The following MN1 variants were observed in gnomAD, a reference collection of about 807,000 sequenced individuals.
The protein encoded by MN1 is transcriptional activator MN1.
MN1 carries 19 observed loss-of-function variants against 86.9 expected under a neutral mutation model. The ratio of observed to expected loss-of-function variants is 0.22; its 90% CI spans 0.15 to 0.32. MN1 has a LOEUF of 0.32. Among genes scored for constraint, MN1 ranks in the 10% least tolerant of loss-of-function variants. The pLI is 1.00. For synonymous variants in MN1, 928 were observed against 849.6 expected (o/e 1.09, Z -1.60); for missense variants, 1,841 against 1,862.0 (o/e 0.99, Z 0.21).
chr22:27,783,099 A>G (rs1226592350), intron 1 of MN1, among the ~76,000 whole-genome samples: 3 of 150,628 alleles, frequency 2.0e-5, no homozygotes, highest in Non-Finnish European at 1.5e-5. Context: ...GGTTGCCATC[A>G]CCAACCACCA....
chr22:27,758,592 G>A (rs112504647), intron 1 of MN1, among the ~76,000 whole-genome samples: 24 of 152,320 alleles, frequency 1.6e-4, no homozygotes, highest in African/African-American at 5.1e-4. Flanking sequence ...GGACTTTGGA[G>A]TCAGATGACC....
intron 1 of MN1, among the ~76,000 whole-genome samples, chr22:27,760,076 G>A (rs1050446457): frequency 2.6e-5 from 4 of 152,208 alleles, no homozygotes; most frequent in South Asian, 2.1e-4. Flanking sequence ...TTGGCTGGGC[G>A]TGGTGGCTCA....
intron 1 of MN1, among the ~76,000 whole-genome samples, chr22:27,772,226 G>A (rs998102102): frequency 1.3e-5 from 2 of 152,190 alleles, no homozygotes; most frequent in African/African-American, 4.8e-5. Flanking sequence ...CCCAGCAGGG[G>A]CTGGGCCAAC....
intron 1 of MN1, among the ~76,000 whole-genome samples, chr22:27,773,528 G>A (rs558715855): frequency 2.6e-5 from 4 of 152,316 alleles, no homozygotes; most frequent in Middle Eastern, 3.4e-3. Context: ...AGTCCTCACC[G>A]CCTCCCTATG....
rs566580762 is a variant in MN1, at chr22:27,770,170, G to A, written c.3782-19074C>T. ...CAACCTTCCCTCCCAAATCCTTTCC[G>A]GCCAGCACAGCAGATAGCTCCCACA... On this transcript the variant is annotated intron_variant, in intron 1 of 1. Coordinates refer to ENST00000302326, the MANE Select transcript of MN1 (RefSeq NM_002430.3). Among the ~76,000 whole-genome samples the A allele has an allele frequency of 2.3e-3, 356 of 152,192 alleles. 2 individuals carry two copies. Among genetic ancestry groups the A allele is most frequent in the African/African-American group, 7.3e-3 (305 of 41,508 alleles).
At position 27,800,473 on chromosome 22, in the gene MN1, T is replaced by A. The variant is rs1172569340; in HGVS notation, c.71A>T (p.Asn24Ile). The change falls in exon 1 of 2, where the codon AAC becomes ATC. Residue 24 changes from asparagine (N) to isoleucine (I), a missense_variant. Asn to Ile is a moderately radical substitution (Grantham distance 149). Transcript: ENST00000302326. ...GGTGTTCATGCTCAGTCCGGTCTCG[T>A]TAAAGTTCCTCTCGCCCTGGCCAGC... is the stretch of plus-strand genomic sequence containing the variant. ...RNAGQGERNF[N>I]ETGLSMNTHF... 1 of 1,614,162 alleles carries A rather than the reference T, an allele frequency of 6.2e-7. No individual in the cohort carries two copies. The highest frequency in any genetic ancestry group is 8.5e-7 in the Non-Finnish European group (1 of 1,180,016).
chr22:27,757,345 G>A (rs569223692), intron 1 of MN1, among the ~76,000 whole-genome samples: 1 of 152,336 alleles, frequency 6.6e-6, no homozygotes, highest in East Asian at 1.9e-4. Flanking sequence ...CACTCTTACT[G>A]TTCGTGGCAC....
At chr22:27,782,474 T>C (rs892140064) in intron 1 of MN1, among the ~76,000 whole-genome samples, 7 of 152,240 alleles carry the variant, frequency 4.6e-5, no homozygotes, top group African/African-American at 1.7e-4. Flanking sequence ...ATCCCTAAGA[T>C]GGGACAAACA....
chr22:27,779,483 G>A (rs951987087), intron 1 of MN1, among the ~76,000 whole-genome samples: 1 of 152,182 alleles, frequency 6.6e-6, no homozygotes, highest in African/African-American at 2.4e-5. Context: ...AAGACACAGA[G>A]TTGGTTTTTA....
At chr22:27,783,759 T>A (rs1230655146) in intron 1 of MN1, among the ~76,000 whole-genome samples, 1 of 152,212 alleles carries the variant, frequency 6.6e-6, no homozygotes, top group Admixed American at 6.5e-5. Flanking sequence ...ATATTGATAG[T>A]GAAAAACCAC....
intron 1 of MN1, among the ~76,000 whole-genome samples, chr22:27,762,973 T>C (rs868210695): frequency 1.3e-5 from 2 of 152,156 alleles, no homozygotes; most frequent in Middle Eastern, 3.4e-3. Context: ...CCAAGCATGG[T>C]GGTGTGTGCC....
intron 1 of MN1, among the ~76,000 whole-genome samples, chr22:27,760,382 G>T (rs1932826862): frequency 6.6e-6 from 1 of 152,020 alleles, no homozygotes; most frequent in Non-Finnish European, 1.5e-5. Flanking sequence ...GGTGGTGCAT[G>T]CTGGTAGTCC....
At chr22:27,754,037 C>A (rs538197455) in intron 1 of MN1, among the ~76,000 whole-genome samples, 7 of 152,124 alleles carry the variant, frequency 4.6e-5, no homozygotes, top group Admixed American at 6.5e-5. Flanking sequence ...AATGCTTGAG[C>A]CCACTTTACA....
intron 1 of MN1, among the ~76,000 whole-genome samples, chr22:27,776,357 A>C (rs989193964): frequency 6.6e-6 from 1 of 152,244 alleles, no homozygotes; most frequent in East Asian, 1.9e-4. Context: ...TTACACAGGG[A>C]AACCCTAATT....
chr22:27,788,711 G>A (rs866894387), intron 1 of MN1, among the ~76,000 whole-genome samples: 23 of 151,732 alleles, frequency 1.5e-4, no homozygotes, highest in African/African-American at 4.8e-4. Flanking sequence ...GTGTGTGCAC[G>A]CACGTGTGTA....
In MN1 at chr22:27,797,033, C is replaced by T. The variant is rs1933309060; in HGVS notation, c.3511G>A (p.Glu1171Lys). 1 of 1,612,422 alleles carries T rather than the reference C, an allele frequency of 6.2e-7. No individual in the cohort carries two copies. The highest frequency in any genetic ancestry group is 8.5e-7 in the Non-Finnish European group (1 of 1,179,804). Reference sequence around the variant, plus strand: ...CCCTTCAGCCCCAGAGGCTGGTCCTCGGAGATGCTGAACTGCTGCCTCTGT... The same window carrying T: ...CCCTTCAGCCCCAGAGGCTGGTCCTTGGAGATGCTGAACTGCTGCCTCTGT... Reference protein sequence around the residue: ...QLQRQQFSISEDQPLGLKGGK... With the variant: ...QLQRQQFSISKDQPLGLKGGK... Residue 1171 changes from glutamate to lysine, a missense_variant, in exon 1 of 2, where the codon GAG (glutamate) becomes AAG (lysine). By Grantham distance (56) the Glu-to-Lys change is moderately conservative. Coordinates refer to ENST00000302326, the MANE Select transcript of MN1 (RefSeq NM_002430.3).
intron 1 of MN1, among the ~76,000 whole-genome samples, chr22:27,764,789 C>T (rs1393747897): frequency 2.0e-5 from 3 of 152,184 alleles, no homozygotes; most frequent in African/African-American, 7.2e-5. Context: ...CTTTTAAACT[C>T]AATAATTCCT....
chr22:27,775,579 G>C (rs1005380070), intron 1 of MN1, among the ~76,000 whole-genome samples: 1 of 152,068 alleles, frequency 6.6e-6, no homozygotes, highest in Admixed American at 6.5e-5. Context: ...TCTTGCTCCT[G>C]GTCCGGAACA....
chr22:27,780,868 T>C (rs1292251252), intron 1 of MN1, among the ~76,000 whole-genome samples: 1 of 152,202 alleles, frequency 6.6e-6, no homozygotes, highest in Non-Finnish European at 1.5e-5. Context: ...CTTGGGAGTG[T>C]TTGTTGAATG....
Sources: gnomAD v4.1 joint callset for allele counts (sites outside exome capture counted in the v4.1 genomes callset) on GRCh38, gnomAD v4.1.1 for gene constraint, MANE v1.5 for transcripts, NCBI Gene and HGNC (gene_info 2026-07-23, HGNC 2026-07-21) for gene names.